Variants in LDLRAD4 observed in about 807,000 individuals in gnomAD.
LDLRAD4 encodes low-density lipoprotein receptor class A domain-containing protein 4.
In LDLRAD4, 5 loss-of-function variants were observed where a neutral mutation model predicts 17.0. The observed-to-expected ratio is 0.29, with a 90% CI of 0.15 to 0.62. The LOEUF (loss-of-function observed/expected upper bound fraction) is 0.62. LDLRAD4 is among the 20% of genes least tolerant of loss of function. The probability of loss-of-function intolerance (pLI) is 0.84; values close to 1 mark genes in which losing one functional copy is unlikely to be tolerated. For synonymous variants in LDLRAD4, 168 were observed against 171.8 expected, an observed-to-expected ratio of 0.98 and a Z score of 0.17; for missense variants, 340 against 424.7, an observed-to-expected ratio of 0.80 and a Z score of 1.75.
intron 1 of LDLRAD4, among the ~76,000 whole-genome samples, chr18:13,386,931 GATAGATA>G (rs2085869601): frequency 4.2e-5 from 6 of 143,750 alleles, no homozygotes; most frequent in East Asian, 4.2e-4. Context: ...TAGATAGATA[GATAGATA>G]GATAGATAGA....
intron 2 of LDLRAD4, among the ~76,000 whole-genome samples, chr18:13,410,780 AG>A (rs1334094002): frequency 1.3e-5 from 2 of 152,214 alleles, no homozygotes; most frequent in African/African-American, 4.8e-5. Context: ...GGAAACTGAA[AG>A]CTCTGTTTGT....
chr18:13,355,095 C>T (rs1400131785), intron 1 of LDLRAD4, among the ~76,000 whole-genome samples: 1 of 152,228 alleles, frequency 6.6e-6, no homozygotes, highest in Non-Finnish European at 1.5e-5. Flanking sequence ...TGGACTATTA[C>T]ACTGTGGCAA....
intron 3 of LDLRAD4, among the ~76,000 whole-genome samples, chr18:13,513,189 G>A (rs2093809880): frequency 6.6e-6 from 1 of 152,244 alleles, no homozygotes; most frequent in Non-Finnish European, 1.5e-5. Context: ...CACTTGCCCC[G>A]GGGTCACAGA....
At chr18:13,437,880 G>T (rs1285690490) in intron 2 of LDLRAD4, among the ~76,000 whole-genome samples, 1 of 152,260 alleles carries the variant, frequency 6.6e-6, no homozygotes, top group African/African-American at 2.4e-5. Flanking sequence ...GAAGTGTGGA[G>T]AACTGCCAAG....
intron 3 of LDLRAD4, chr18:13,561,550 G>C (rs1242268709): frequency 6.6e-6 from 1 of 152,212 alleles, no homozygotes; most frequent in Non-Finnish European, 1.5e-5. Context: ...ACCTTGATGA[G>C]CAGTCATTTG....
intron 2 of LDLRAD4, among the ~76,000 whole-genome samples, chr18:13,410,146 G>A (rs1373725829): frequency 6.6e-6 from 1 of 152,056 alleles, no homozygotes; most frequent in Non-Finnish European, 1.5e-5. Context: ...TCAAGGCTCT[G>A]AAAGGCAAGG....
At position 13,466,756 on chromosome 18, in the gene LDLRAD4, A is replaced by C. The variant is rs930563853; in HGVS notation, c.181+28372A>C. Among the ~76,000 whole-genome samples, 18 of 152,204 alleles carry C rather than the reference A, an allele frequency of 1.2e-4. 1 individual carries two copies. Among genetic ancestry groups the C allele is most frequent in the Admixed American group, 1.2e-3 (18 of 15,272 alleles). ...CATTGTTCTGGAGGTCGGAAGTCTG[A>C]GATCGGGGCACCACCAGATTCTGTG... On this transcript the variant is annotated intron_variant, in intron 3 of 5. Transcript: ENST00000359446.
intron 3 of LDLRAD4, among the ~76,000 whole-genome samples, chr18:13,610,802 G>A (rs2039480476): frequency 6.6e-6 from 1 of 152,134 alleles, no homozygotes; most frequent in African/African-American, 2.4e-5. Context: ...TTCTGAAGCT[G>A]CCTCTTTCTG....
At chr18:13,599,080 C>T (rs1225882373) in intron 3 of LDLRAD4, among the ~76,000 whole-genome samples, 1 of 152,190 alleles carries the variant, frequency 6.6e-6, no homozygotes, top group Admixed American at 6.5e-5. Flanking sequence ...AAGCCTATGG[C>T]CTCTTGACTG....
chr18:13,289,511 T>C (rs1209248003), intron 1 of LDLRAD4, among the ~76,000 whole-genome samples: 1 of 152,242 alleles, frequency 6.6e-6, no homozygotes, highest in Admixed American at 6.5e-5. Flanking sequence ...GTGTCATCTG[T>C]CTTTAATTTA....
At chr18:13,618,668 A>G (rs1306801236) in intron 3 of LDLRAD4, among the ~76,000 whole-genome samples, 2 of 152,204 alleles carry the variant, frequency 1.3e-5, no homozygotes, top group African/African-American at 2.4e-5. Context: ...TGTAAAGAAA[A>G]CATTTGGAAA....
At chr18:13,262,040 ATGGAAACTGAGTCCCGTGCG>A (rs2043855328) in intron 1 of LDLRAD4, among the ~76,000 whole-genome samples, 3 of 58,566 alleles carry the variant, frequency 5.1e-5, no homozygotes, top group Admixed American at 1.8e-4. Flanking sequence ...GGCTCTGTGC[ATGGAAACTGAGTCCCGTGCG>A]GCTCTGTGCG....
At position 13,261,978 on chromosome 18, in the gene LDLRAD4, GTGTGGAAA is replaced by G. The variant is rs2043842883; in HGVS notation, c.-466-16126_-466-16119del. The stretch of plus-strand genomic sequence containing the variant: ...GAAAATGAGTCCCGTGTGGCTCTGT[GTGTGGAAA>G]CTGAGTCCCGTGGGGCTCTGTGCGT... On this transcript the variant is annotated intron_variant, in intron 1 of 5. Transcript: ENST00000399848. Among the ~76,000 whole-genome samples, 13 of 151,344 alleles carry G rather than the reference GTGTGGAAA, an allele frequency of 8.6e-5. No individual in the cohort carries two copies. The South Asian group carries it at 2.1e-3, about 25-fold the overall frequency.
chr18:13,606,749 G>T (rs1163232154), intron 3 of LDLRAD4, among the ~76,000 whole-genome samples: 1 of 152,144 alleles, frequency 6.6e-6, no homozygotes, highest in Non-Finnish European at 1.5e-5. Flanking sequence ...AAAATGTACT[G>T]TTTCTAAAGG....
At chr18:13,479,851 C>G (rs752136007) in intron 3 of LDLRAD4, among the ~76,000 whole-genome samples, 10 of 152,154 alleles carry the variant, frequency 6.6e-5, no homozygotes, top group Non-Finnish European at 1.0e-4. Context: ...CATATGTTAT[C>G]AGGGAAATGC....
rs1181518498 is a variant in LDLRAD4, at chr18:13,621,837, T to C, written c.336+566T>C. 2.7e-5 allele frequency among the ~76,000 whole-genome samples: 4 copies of C among 150,726 alleles called. No homozygotes were observed. Among genetic ancestry groups the C allele is most frequent in the South Asian group, 4.3e-4 (2 of 4,684 alleles). ...AGCGGTGGGCTTGTCGGCGGTAGGG[T>C]TGTCGGCGGTGGGTTGTGGAGGGTG... On this transcript the variant is annotated intron_variant, in intron 4 of 5. Coordinates refer to ENST00000359446, the Ensembl canonical transcript of LDLRAD4. This position sits in a 1 kb window ranked among gnomAD's most constrained non-coding sequence, Gnocchi z 5.5.
At chr18:13,371,135 A>G (rs965874643) in intron 1 of LDLRAD4, among the ~76,000 whole-genome samples, 4 of 152,176 alleles carry the variant, frequency 2.6e-5, no homozygotes, top group African/African-American at 4.8e-5. Flanking sequence ...GCGCCCACCA[A>G]TGCGGTGGGA....
intron 2 of LDLRAD4, among the ~76,000 whole-genome samples, chr18:13,424,992 G>A (rs570995953): frequency 1.3e-5 from 2 of 152,314 alleles, no homozygotes; most frequent in South Asian, 4.1e-4. Context: ...AGAGATAACA[G>A]TTTGCTTAAT....
intron 1 of LDLRAD4, among the ~76,000 whole-genome samples, chr18:13,249,264 C>G (rs1056505968): frequency 1.3e-5 from 2 of 152,124 alleles, no homozygotes; most frequent in African/African-American, 4.8e-5. Context: ...GGGTAAATGC[C>G]GAGTAGCAGG....
Sources: allele counts gnomAD v4.1 joint callset (sites outside exome capture counted in the v4.1 genomes callset), GRCh38; gene constraint gnomAD v4.1.1; non-coding constraint Gnocchi (gnomAD v3.1); transcripts MANE v1.5; gene names NCBI Gene and HGNC (gene_info 2026-07-23, HGNC 2026-07-21).